The following TMTC1 variants were observed in gnomAD, a reference collection of about 807,000 sequenced individuals.
TMTC1 encodes transmembrane O-mannosyltransferase targeting cadherins 1.
TMTC1 carries 73 observed loss-of-function variants against 104.8 expected under a neutral mutation model. That is an observed-to-expected ratio of 0.70 (90% CI 0.58 to 0.85). The LOEUF (loss-of-function observed/expected upper bound fraction) is 0.85. Ranked by LOEUF, TMTC1 falls within the 40% of genes least tolerant of loss-of-function variation. The pLI, the probability that TMTC1 is intolerant of heterozygous loss-of-function variation, is 0.00. For missense variants in TMTC1, 1,035 were observed against 1,096.1 expected (o/e 0.94, Z 0.79); for synonymous variants, 434 against 428.7 (o/e 1.01, Z -0.15).
intron 5 of TMTC1, among the ~76,000 whole-genome samples, chr12:29,749,290 TC>T (rs1042187334): frequency 2.6e-5 from 4 of 152,230 alleles, no homozygotes; most frequent in East Asian, 1.9e-4. Context: ...AACAACCTTT[TC>T]CCCATTTCTT....
intron 6 of TMTC1, among the ~76,000 whole-genome samples, chr12:29,630,772 T>C (rs1938255717): frequency 6.6e-6 from 1 of 152,248 alleles, no homozygotes; most frequent in Non-Finnish European, 1.5e-5. Context: ...TTTTCATTTC[T>C]TTTCAGTAGG....
intron 5 of TMTC1, among the ~76,000 whole-genome samples, chr12:29,682,485 A>C (rs1213035504): frequency 6.6e-6 from 1 of 152,224 alleles, no homozygotes; most frequent in African/African-American, 2.4e-5. Flanking sequence ...AAAAAAATTT[A>C]CTAAAAAAAA....
chr12:29,712,708 G>A (rs1459233033), intron 5 of TMTC1, among the ~76,000 whole-genome samples: 3 of 152,138 alleles, frequency 2.0e-5, no homozygotes, highest in Non-Finnish European at 4.4e-5. Context: ...AGTATATGAG[G>A]AAAATCTATC....
At chr12:29,686,244 G>A (rs1236812111) in intron 5 of TMTC1, among the ~76,000 whole-genome samples, 1 of 152,066 alleles carries the variant, frequency 6.6e-6, no homozygotes, top group African/African-American at 2.4e-5. Context: ...GCTCTTCTGT[G>A]GCTTTTCTTC....
chr12:29,585,402 C>CT (rs1946105606), intron 7 of TMTC1, among the ~76,000 whole-genome samples: 1 of 152,156 alleles, frequency 6.6e-6, no homozygotes, highest in Non-Finnish European at 1.5e-5. Flanking sequence ...CCTGTTTACT[C>CT]TGATGGTAGT....
At chr12:29,517,055 G>C (rs1258164522) in intron 14 of TMTC1, among the ~76,000 whole-genome samples, 3 of 151,904 alleles carry the variant, frequency 2.0e-5, no homozygotes, top group Non-Finnish European at 4.4e-5. Context: ...ACTAATAATA[G>C]GTATATACAA....
intron 5 of TMTC1, among the ~76,000 whole-genome samples, chr12:29,739,497 A>G (rs529606966): frequency 6.6e-6 from 1 of 152,296 alleles, no homozygotes; most frequent in South Asian, 2.1e-4. Context: ...CAAGCATTGC[A>G]CTTGCCATCC....
At chr12:29,639,401 A>G (rs1442784649) in intron 5 of TMTC1, among the ~76,000 whole-genome samples, 1 of 152,230 alleles carries the variant, frequency 6.6e-6, no homozygotes, top group Non-Finnish European at 1.5e-5. Context: ...ACATTTTTAA[A>G]GAACAGTTAT....
chr12:29,702,546 C>T (rs1941624499), intron 5 of TMTC1, among the ~76,000 whole-genome samples: 1 of 152,162 alleles, frequency 6.6e-6, no homozygotes, highest in Non-Finnish European at 1.5e-5. Context: ...AATAAGAATA[C>T]CCAGGACAGG....
chr12:29,659,476 GCA>G (rs1939913251), intron 5 of TMTC1, among the ~76,000 whole-genome samples: 1 of 152,120 alleles, frequency 6.6e-6, no homozygotes, highest in Admixed American at 6.5e-5. Flanking sequence ...TGTGATCACT[GCA>G]CACAGTCAGC....
intron 5 of TMTC1, among the ~76,000 whole-genome samples, chr12:29,676,979 C>T (rs73271748): frequency 0.01 from 1,588 of 152,238 alleles, 36 homozygotes; most frequent in African/African-American, 0.036. Context: ...TCACATCAGG[C>T]CCTCCAGAGG....
intron 8 of TMTC1, among the ~76,000 whole-genome samples, chr12:29,573,692 G>A (rs547615812): frequency 8.5e-5 from 13 of 152,150 alleles, no homozygotes; most frequent in Non-Finnish European, 1.3e-4. Context: ...GCAGCAGGAG[G>A]TCCTATGCAG....
intron 5 of TMTC1, among the ~76,000 whole-genome samples, chr12:29,737,788 C>A (rs1294805245): frequency 1.3e-5 from 2 of 152,146 alleles, no homozygotes; most frequent in Admixed American, 6.5e-5. Context: ...GCTCCCGGAG[C>A]CTTGCTTTCC....
At chr12:29,633,003 A>G in intron 6 of TMTC1, 144 bp downstream of exon 6, 1 of 586,300 alleles carries the variant, frequency 1.7e-6, no homozygotes, top group Admixed American at 3.3e-5. Flanking sequence ...TGGCCATGGT[A>G]TGTTATTACC....
rs1943895601 is a variant in TMTC1 at position 29,783,766 on chromosome 12, C to CGCT, written c.-18_-16dup. ...GTCACCACCATCGCGCCGCCGCCGC[C>CGCT]GCTGCTGCCCTGGCCTCTCCCGGGC... is the stretch of plus-strand genomic sequence containing the variant. On this transcript the variant is annotated 5_prime_UTR_variant, in exon 1 of 18. Coordinates refer to ENST00000539277, the MANE Select transcript of TMTC1 (RefSeq NM_001193451.2). The surrounding 1 kb of genome is among the most constrained non-coding windows in gnomAD (Gnocchi z 4.7). The CGCT allele has an allele frequency of 2.6e-6, 3 of 1,141,758 alleles. No homozygotes were observed. Among genetic ancestry groups the CGCT allele is most frequent in the East Asian group, 4.8e-5 (1 of 20,896 alleles). The allele number at this position is 1,141,758 out of a possible 1,614,324, so 70.7% of individuals were successfully genotyped here.
intron 7 of TMTC1, among the ~76,000 whole-genome samples, chr12:29,587,632 T>C (rs975780043): frequency 6.6e-6 from 1 of 152,134 alleles, no homozygotes; most frequent in Non-Finnish European, 1.5e-5. Context: ...CCAAAATTGA[T>C]AACTACAAAT....
At position 29,611,177 on chromosome 12, in the gene TMTC1, CT is replaced by C. The variant is rs1555176122; in HGVS notation, c.1129-6879del. Among the ~76,000 whole-genome samples the C allele has an allele frequency of 2.9e-3, 382 of 130,128 alleles. 2 individuals carry two copies. The highest frequency in any genetic ancestry group is 8.5e-3 in the African/African-American group (259 of 30,456). 85.4% of individuals were successfully genotyped at this position (130,128 alleles called of 152,430 possible). On this transcript the variant is annotated intron_variant, in intron 6 of 17. Coordinates refer to ENST00000539277, the MANE Select transcript of TMTC1 (RefSeq NM_001193451.2). Reference sequence around the variant, plus strand: ...ATTTCTGGTCTTTGGTTCTGAACTTCTTTTTTTTTTTTTTTTTGCACAGAGC... The same window carrying C: ...ATTTCTGGTCTTTGGTTCTGAACTTCTTTTTTTTTTTTTTTTGCACAGAGC...
intron 1 of TMTC1, among the ~76,000 whole-genome samples, chr12:29,776,173 T>A (rs1943702918): frequency 6.6e-6 from 1 of 152,210 alleles, no homozygotes; most frequent in Non-Finnish European, 1.5e-5. Flanking sequence ...AAGGTACAGC[T>A]GCTGTTTCTC....
At chr12:29,694,726 G>A (rs1421820915) in intron 5 of TMTC1, among the ~76,000 whole-genome samples, 2 of 152,000 alleles carry the variant, frequency 1.3e-5, no homozygotes, top group African/African-American at 4.8e-5. Flanking sequence ...GATCACCTGA[G>A]GTCAGGAGCT....
Sources: gnomAD v4.1 joint callset for allele counts (sites outside exome capture counted in the v4.1 genomes callset) on GRCh38, gnomAD v4.1.1 for gene constraint, Gnocchi (gnomAD v3.1) non-coding constraint, MANE v1.5 for transcripts, NCBI Gene and HGNC (gene_info 2026-07-23, HGNC 2026-07-21) for gene names.